The following IGF2R variants were observed in gnomAD, a reference collection of about 807,000 sequenced individuals.
IGF2R encodes the protein insulin like growth factor 2 receptor, also known as cation-independent mannose-6-phosphate receptor.
Under a neutral mutation model 270.6 loss-of-function variants are expected in IGF2R, and 91 were observed. That is an observed-to-expected ratio of 0.34 (90% CI 0.28 to 0.40). The LOEUF (loss-of-function observed/expected upper bound fraction) is 0.40. Among genes scored for constraint, IGF2R ranks in the 10% least tolerant of loss-of-function variants. The pLI, the probability that IGF2R is intolerant of heterozygous loss-of-function variation, is 1.00. For synonymous variants in IGF2R, 1,316 were observed against 1,258.9 expected, an observed-to-expected ratio of 1.05 and a Z score of -0.96; for missense variants, 2,805 against 3,188.3, an observed-to-expected ratio of 0.88 and a Z score of 2.90.
At chr6:160,034,629 A>G in intron 10 of IGF2R, 107 bp downstream of exon 10, 4 of 732,712 alleles carry the variant, frequency 5.5e-6, no homozygotes, top group South Asian at 3.4e-5. Context: ...GAGGAGTCAG[A>G]TGCCCTCCTT....
intron 1 of IGF2R, among the ~76,000 whole-genome samples, chr6:159,969,670 C>T (rs1783578281): frequency 1.3e-5 from 2 of 152,106 alleles, no homozygotes; most frequent in Admixed American, 1.3e-4. Flanking sequence ...TCGGGGGTGG[C>T]TTTGTGCGGA....
In IGF2R at chr6:160,106,406, T is replaced by A. The variant is rs1028836715; in HGVS notation, c.*1322T>A. 1.3e-5 allele frequency: 2 copies of A among 152,670 alleles called. No individual in the cohort carries two copies. The highest frequency in any genetic ancestry group is 4.8e-5 in the African/African-American group (2 of 41,458). 9.5% of individuals were successfully genotyped at this position (152,670 alleles called of 1,614,324 possible). On this transcript the variant is annotated 3_prime_UTR_variant, in exon 48 of 48. Coordinates refer to ENST00000356956, the MANE Select transcript of IGF2R (RefSeq NM_000876.4). ...CTGAGAAGCAAACCGCCCTGCAGCA[T>A]CCCTCAGCCTGTACCGGTTTGGCTG...
intron 39 of IGF2R, among the ~76,000 whole-genome samples, chr6:160,081,475 G>A (rs1030734431): frequency 3.9e-5 from 6 of 152,320 alleles, no homozygotes; most frequent in Admixed American, 2.6e-4. Flanking sequence ...AGGTCAGCGC[G>A]AAACTAGAAT....
At chr6:159,980,035 G>C (rs1286773242) in intron 1 of IGF2R, among the ~76,000 whole-genome samples, 1 of 152,028 alleles carries the variant, frequency 6.6e-6, no homozygotes, top group Non-Finnish European at 1.5e-5. Context: ...AAAAATCTTA[G>C]ATGGGCGCGG....
At chr6:160,002,626 T>C (rs1435639126) in intron 2 of IGF2R, among the ~76,000 whole-genome samples, 1 of 152,162 alleles carries the variant, frequency 6.6e-6, no homozygotes, top group Non-Finnish European at 1.5e-5. Context: ...TTTGATTTCC[T>C]TTTCAAGTAC....
At chr6:160,066,353 T>C (rs529189388) in intron 29 of IGF2R, among the ~76,000 whole-genome samples, 43 of 152,082 alleles carry the variant, frequency 2.8e-4, no homozygotes, top group Non-Finnish European at 5.6e-4. Flanking sequence ...TTTCACCATG[T>C]TGGCCAGGCT....
chr6:159,974,083 C>T (rs779678794), intron 1 of IGF2R, among the ~76,000 whole-genome samples: 3 of 152,236 alleles, frequency 2.0e-5, no homozygotes, highest in South Asian at 2.1e-4. Context: ...ACTGTAATGC[C>T]GAATTACAAT....
intron 20 of IGF2R, among the ~76,000 whole-genome samples, chr6:160,057,781 A>T (rs952390337): frequency 1.3e-5 from 2 of 152,228 alleles, no homozygotes; most frequent in African/African-American, 4.8e-5. Flanking sequence ...GAAATGCAGT[A>T]GCCTTAACAG....
In IGF2R at chr6:159,989,712, C is replaced by T. The variant is rs142355546; in HGVS notation, c.150-1472C>T. On this transcript the variant is annotated intron_variant, in intron 1 of 47. Transcript: ENST00000356956. ...CTCCCAAAGTGCTGGGATACAGGCA[C>T]GAGCCACTGGCCAGGTCTTTATTTT... 6.6e-3 allele frequency among the ~76,000 whole-genome samples: 1,006 copies of T among 152,098 alleles called. 16 individuals carry two copies. The highest frequency in any genetic ancestry group is 0.023 in the African/African-American group (941 of 41,544).
chr6:160,001,258 G>T (rs1223318323), intron 2 of IGF2R, among the ~76,000 whole-genome samples: 2 of 152,044 alleles, frequency 1.3e-5, no homozygotes, highest in African/African-American at 2.4e-5. Context: ...GCTTATAGGA[G>T]CGCGAACCCT....
In IGF2R at chr6:160,111,458, GTATTT is replaced by G. The variant is rs1384559818; in HGVS notation, c.*6379_*6383del. On this transcript the variant is annotated 3_prime_UTR_variant, in exon 48 of 48. Coordinates refer to ENST00000356956, the MANE Select transcript of IGF2R (RefSeq NM_000876.4). ...TCATGATTTTCTTAAAACTTTTTCT[GTATTT>G]TATTGTAAGAATACAGTATATAATA... The G allele has an allele frequency of 2.0e-5, 3 of 151,960 alleles. No individual in the cohort carries two copies. In the East Asian group the frequency reaches 5.8e-4, roughly 29 times the overall value. The allele number at this position is 151,960 out of a possible 1,614,324, so 9.4% of individuals were successfully genotyped here. A position where few individuals can be genotyped will look rare whatever the true frequency, so the allele number is the denominator to read the frequency against.
rs1779709353 is a variant in IGF2R, at chr6:160,109,929, T to C, written c.*4845T>C. 6.6e-6 allele frequency: 1 copy of C among 152,214 alleles called. No individual in the cohort carries two copies. The highest frequency in any genetic ancestry group is 2.4e-5 in the African/African-American group (1 of 41,440). 9.4% of individuals were successfully genotyped at this position (152,214 alleles called of 1,614,324 possible). A position where few individuals can be genotyped will look rare whatever the true frequency, so the allele number is the denominator to read the frequency against. ...AGGTATGGATTGTCATATAGAAACA[T>C]TTTTCGCAGTGTGCCCCGTGGAACA... is the stretch of plus-strand genomic sequence containing the variant. On this transcript the variant is annotated 3_prime_UTR_variant, in exon 48 of 48. Transcript: ENST00000356956.
chr6:160,019,483 C>G lies in IGF2R; in HGVS notation c.514-5089C>G, dbSNP rs140460471. 2.2e-4 allele frequency among the ~76,000 whole-genome samples: 34 copies of G among 152,258 alleles called. No individual in the cohort carries two copies. In the East Asian group the frequency reaches 6.6e-3, roughly 29 times the overall value. ...ACTCATTATTTGAAGCCAATATTAT[C>G]CTGATAACCAAAGCCAAACAAGCAC... On this transcript the variant is annotated intron_variant, in intron 4 of 47. Coordinates refer to ENST00000356956, the MANE Select transcript of IGF2R (RefSeq NM_000876.4).
At chr6:160,058,837 A>G (rs1324599103) in intron 21 of IGF2R, 69 bp from the exon 22 acceptor site, 11 of 1,352,064 alleles carry the variant, frequency 8.1e-6, no homozygotes, top group Non-Finnish European at 1.0e-5. Context: ...TGGAGTTGCT[A>G]GGGTTCTTGT....
intron 24 of IGF2R, 48 bp downstream of exon 24, chr6:160,061,694 G>A: frequency 1.2e-6 from 2 of 1,613,430 alleles, no homozygotes; most frequent in East Asian, 4.5e-5. Flanking sequence ...TTTTATTAGA[G>A]CATTTGACTC....
intron 14 of IGF2R, 127 bp from the exon 15 acceptor site, chr6:160,046,371 C>T: frequency 1.2e-6 from 1 of 850,778 alleles, no homozygotes; most frequent in East Asian, 2.7e-5. Flanking sequence ...TCTTCTGCCT[C>T]CTCCACTTCT....
At chr6:160,048,321 G>C (rs1778115285) in intron 17 of IGF2R, 54 bp from the exon 18 acceptor site, 2 of 1,510,698 alleles carry the variant, frequency 1.3e-6, no homozygotes, top group Non-Finnish European at 1.8e-6. Context: ...AAATAAATGA[G>C]ACTGAAATGT....
rs760793737 is a variant in IGF2R, at chr6:160,089,236, C to T, written c.6450C>T (p.Leu2150=). The change falls in exon 43 of 48, where the codon CTC becomes CTT. Residue 2150 remains leucine (L), a synonymous_variant. Transcript: ENST00000356956. ...TNPINGKSFS[L]GDIYFKLFRA... is the part of the protein sequence containing the mutation. Reference sequence around the variant, plus strand: ...CTATAAATGGCAAGAGCTTCAGCCTCGGAGATATTTATTTTAAGTAAGTAA... The same window carrying T: ...CTATAAATGGCAAGAGCTTCAGCCTTGGAGATATTTATTTTAAGTAAGTAA... The T allele has an allele frequency of 5.0e-5, 81 of 1,607,138 alleles. No homozygotes were observed. The highest frequency in any genetic ancestry group is 1.8e-4 in the East Asian group (8 of 44,712).
At chr6:160,016,331 G>T (rs1279166060) in intron 4 of IGF2R, among the ~76,000 whole-genome samples, 7 of 152,224 alleles carry the variant, frequency 4.6e-5, no homozygotes, top group Non-Finnish European at 1.0e-4. Context: ...GCCAGTGCTT[G>T]TCTCAGCTGT....
Sources: allele counts gnomAD v4.1 joint callset (sites outside exome capture counted in the v4.1 genomes callset), GRCh38; gene constraint gnomAD v4.1.1; transcripts MANE v1.5; gene names NCBI Gene and HGNC (gene_info 2026-07-23, HGNC 2026-07-21).